The following ARFGAP2 variants were observed in gnomAD, a reference collection of about 807,000 sequenced individuals.
The protein encoded by ARFGAP2 is ARF GTPase activating protein 2.
ARFGAP2 carries 45 observed loss-of-function variants against 71.9 expected under a neutral mutation model. That is an observed-to-expected ratio of 0.63 (90% CI 0.49 to 0.80). The LOEUF is 0.80. Among genes scored for constraint, ARFGAP2 ranks in the 30% least tolerant of loss-of-function variants. The probability of loss-of-function intolerance (pLI) is 0.00; values close to 1 mark genes in which losing one functional copy is unlikely to be tolerated. For missense variants in ARFGAP2, 633 were observed against 673.9 expected (o/e 0.94, Z 0.67); for synonymous variants, 248 against 249.2 (o/e 1.00, Z 0.05).
intron 7 of ARFGAP2, chr11:47,172,964 A>G: frequency 2.7e-6 from 1 of 366,760 alleles, no homozygotes; most frequent in Admixed American, 3.8e-5. Flanking sequence ...GTTCGCCCTG[A>G]ACCAAGTCTG....
At chr11:47,168,307 G>A (rs563218125) in intron 10 of ARFGAP2, 56 bp from the exon 11 acceptor site, 514 of 1,605,092 alleles carry the variant, frequency 3.2e-4, no homozygotes, top group Non-Finnish European at 4.2e-4. Flanking sequence ...CAGCATCACC[G>A]CACAAGAGAC....
chr11:47,171,966 C>CACTA, intron 8 of ARFGAP2, 166 bp from the exon 9 acceptor site: 1 of 1,105,332 alleles, frequency 9.0e-7, no homozygotes, highest in Non-Finnish European at 1.3e-6. Flanking sequence ...TCCGCTGGAG[C>CACTA]TGGGCATGGG....
chr11:47,172,199 T>C, intron 8 of ARFGAP2, 82 bp downstream of exon 8: 1 of 1,356,444 alleles, frequency 7.4e-7, no homozygotes. Context: ...ATATAGCTGG[T>C]AAGTGGTAAG....
At chr11:47,172,038 A>G (rs1308502444) in intron 8 of ARFGAP2, 1 of 713,162 alleles carries the variant, frequency 1.4e-6, no homozygotes, top group African/African-American at 1.8e-5. Flanking sequence ...GACAGGGCCA[A>G]GTATGTGCCA....
chr11:47,166,334 C>G lies in ARFGAP2; in HGVS notation c.1479G>C (p.Lys493Asn). Residue 493 changes from lysine to asparagine, a missense_variant, in exon 15 of 16, where the codon AAG becomes AAC. Physicochemically the swap from Lys to Asn is moderately conservative, Grantham distance 94. Coordinates refer to ENST00000524782, the MANE Select transcript of ARFGAP2 (RefSeq NM_032389.6). ...TCCCAGCCACAGACTTGACACCCTG[C>G]TTAAACTGGGCAATGTCCGCTGTAG... ...VLPTADIAQFKQGVKSVAGKM... is the reference protein window; with the variant it reads ...VLPTADIAQFNQGVKSVAGKM... 1 of 1,614,238 alleles carries G rather than the reference C, an allele frequency of 6.2e-7. No individual in the cohort carries two copies. Among genetic ancestry groups the G allele is most frequent in the African/African-American group, 1.3e-5 (1 of 75,056 alleles).
chr11:47,170,194 C>T (rs1021984673), intron 10 of ARFGAP2, among the ~76,000 whole-genome samples: 11 of 151,212 alleles, frequency 7.3e-5, no homozygotes, highest in Non-Finnish European at 1.3e-4. Flanking sequence ...CATGGTGGCA[C>T]ATGCCTGTAA....
rs577310867 is a variant in ARFGAP2, at chr11:47,165,124, C to T, written c.*358G>A. The stretch of plus-strand genomic sequence containing the variant: ...CCAGCAAAAAAAGCCTTCTACCTTC[C>T]GCTTTCCCTACCTGGGGAAAGTCTG... On this transcript the variant is annotated 3_prime_UTR_variant, in exon 16 of 16. Transcript: ENST00000524782. The T allele has an allele frequency of 1.0e-5, 3 of 286,964 alleles. No individual in the cohort carries two copies. Among genetic ancestry groups the T allele is most frequent in the Admixed American group, 5.2e-5 (1 of 19,244 alleles). 17.8% of individuals were successfully genotyped at this position (286,964 alleles called of 1,614,324 possible). A position where few individuals can be genotyped will look rare whatever the true frequency, so the allele number is the denominator to read the frequency against.
chr11:47,168,416 T>C, intron 10 of ARFGAP2, 165 bp from the exon 11 acceptor site: 1 of 841,546 alleles, frequency 1.2e-6, no homozygotes, highest in Non-Finnish European at 1.8e-6. Flanking sequence ...GAAGGCTAGC[T>C]GTGTGTGGTG....
intron 2 of ARFGAP2, chr11:47,176,261 C>T (rs879715022): frequency 1.7e-6 from 1 of 591,144 alleles, no homozygotes; most frequent in Non-Finnish European, 3.0e-6. Context: ...CTCCCTTTCC[C>T]CTCAACTAAC....
chr11:47,167,317 T>C (rs1952424711), intron 12 of ARFGAP2, among the ~76,000 whole-genome samples: 1 of 152,154 alleles, frequency 6.6e-6, no homozygotes, highest in African/African-American at 2.4e-5. Flanking sequence ...AAAAGCATCC[T>C]GGTGTGGAAA....
chr11:47,176,323 G>A lies in ARFGAP2; in HGVS notation c.191+193C>T, dbSNP rs560332331. 2.3e-5 allele frequency: 14 copies of A among 616,176 alleles called. No homozygotes were observed. In the South Asian group the frequency reaches 2.6e-4, roughly 11 times the overall value. 38.2% of individuals were successfully genotyped at this position (616,176 alleles called of 1,614,324 possible). A position where few individuals can be genotyped will look rare whatever the true frequency, so the allele number is the denominator to read the frequency against. On this transcript the variant is annotated intron_variant, in intron 2 of 15. Transcript: ENST00000524782. ...AAAAAGAGGAAGTTTTGGCCCAGAG[G>A]CGGAGACGGACCGCCCATGTGCCAA...
intron 10 of ARFGAP2, 148 bp from the exon 11 acceptor site, chr11:47,168,399 C>T (rs1590948514): frequency 9.6e-7 from 1 of 1,040,046 alleles, no homozygotes; most frequent in East Asian, 2.6e-5. Flanking sequence ...TGGGCCAGAC[C>T]CCAACAGAAG....
chr11:47,172,473 C>T, intron 7 of ARFGAP2, 140 bp from the exon 8 acceptor site: 2 of 1,144,664 alleles, frequency 1.7e-6, no homozygotes, highest in Non-Finnish European at 2.6e-6. Flanking sequence ...CCACCAGCTC[C>T]AACCAGCGGT....
At position 47,176,861 on chromosome 11, in the gene ARFGAP2, C is replaced by T. The variant is rs779657047; in HGVS notation, c.-8G>A. ...GTTCGGCTCCGCCGCCATTTTCTCT[C>T]CTTCCCAGACACAACCGCGGCTGAC... is the stretch of plus-strand genomic sequence containing the variant. On this transcript the variant is annotated 5_prime_UTR_variant, in exon 1 of 16. Transcript: ENST00000524782. The T allele has an allele frequency of 2.1e-5, 34 of 1,612,774 alleles. No homozygotes were observed. The South Asian group carries it at 3.6e-4, about 17-fold the overall frequency.
chr11:47,166,389 G>A lies in ARFGAP2; in HGVS notation c.1427-3C>T. The A allele has an allele frequency of 1.2e-6, 2 of 1,613,896 alleles. No individual in the cohort carries two copies. The highest frequency in any genetic ancestry group is 1.7e-5 in the Admixed American group (1 of 60,016). Reference sequence around the variant, plus strand: ...CACGTTCCCCAGAGATACACTTCCTGTAAAACAAGAGCAGGGTGACCCAGA... The same window carrying A: ...CACGTTCCCCAGAGATACACTTCCTATAAAACAAGAGCAGGGTGACCCAGA... On this transcript the variant is annotated splice_region_variant and splice_polypyrimidine_tract_variant and intron_variant, in intron 14 of 15. Coordinates refer to ENST00000524782, the MANE Select transcript of ARFGAP2 (RefSeq NM_032389.6).
chr11:47,176,290 G>C (rs1316513055), intron 2 of ARFGAP2: 4 of 597,952 alleles, frequency 6.7e-6, no homozygotes. Flanking sequence ...TCTCAAGCCT[G>C]ACCGTCAAAA....
At chr11:47,175,143 C>T (rs969878712) in intron 4 of ARFGAP2, 39 bp downstream of exon 4, 1 of 1,614,140 alleles carries the variant, frequency 6.2e-7, no homozygotes, top group South Asian at 1.1e-5. Context: ...TCTGAATACT[C>T]CTAACCCTCC....
Position 47,166,746 on chromosome 11 carries a change from A to G in ARFGAP2, c.1332+14T>C. ...CCTGCTGCCTCGGACCTCAGGGCAG[A>G]CAGCCCCACTTACCTCTGCATCCAC... On this transcript the variant is annotated intron_variant, in intron 13 of 15. Coordinates refer to ENST00000524782, the MANE Select transcript of ARFGAP2 (RefSeq NM_032389.6). 6.2e-7 allele frequency: 1 copy of G among 1,611,694 alleles called. No individual in the cohort carries two copies. The highest frequency in any genetic ancestry group is 8.5e-7 in the Non-Finnish European group (1 of 1,178,690).
At chr11:47,171,389 A>G in intron 10 of ARFGAP2, 37 bp downstream of exon 10, 1 of 1,610,258 alleles carries the variant, frequency 6.2e-7, no homozygotes, top group Non-Finnish European at 8.5e-7. Flanking sequence ...CCAGAAAACA[A>G]CGGCATTTCC....
Sources: allele counts gnomAD v4.1 joint callset (sites outside exome capture counted in the v4.1 genomes callset), GRCh38; gene constraint gnomAD v4.1.1; transcripts MANE v1.5; gene names NCBI Gene and HGNC (gene_info 2026-07-23, HGNC 2026-07-21).